Variants in CLDN14 observed in about 807,000 individuals in gnomAD.
The protein encoded by CLDN14 is claudin 14, also known as claudin-14.
A neutral mutation model predicts 2.1 loss-of-function variants in CLDN14; 2 were observed. The observed-to-expected ratio is 0.96, with a 90% CI of 0.39 to 3.01. The LOEUF (loss-of-function observed/expected upper bound fraction) is 3.01, where lower values mean the gene tolerates loss of function less well. CLDN14 is among the 30% of genes most tolerant of loss of function. The pLI, the probability that CLDN14 is intolerant of heterozygous loss-of-function variation, is 0.09. For synonymous variants in CLDN14, 136 were observed against 154.4 expected (o/e 0.88, Z 0.88); for missense variants, 298 against 328.0 (o/e 0.91, Z 0.71).
intron 1 of CLDN14, among the ~76,000 whole-genome samples, chr21:36,550,381 A>G (rs1005263049): frequency 1.3e-5 from 2 of 152,132 alleles, no homozygotes; most frequent in East Asian, 1.9e-4. Context: ...AAAGTCGAAT[A>G]AGCTCTTTAC....
Position 36,467,022 on chromosome 21 carries a change from C to T in CLDN14, c.-81-5246G>A, listed in dbSNP as rs73204259. ...CCCCAGCAGAGAGAGTATCAGAAAA[C>T]GACAGAGCGGTAAAGAATTTTGAAA... On this transcript the variant is annotated intron_variant, in intron 1 of 1. Transcript: ENST00000399135. Among the ~76,000 whole-genome samples, 1,477 of 152,222 alleles carry T rather than the reference C, an allele frequency of 9.7e-3. 10 individuals are homozygous for T. Among genetic ancestry groups the T allele is most frequent in the Non-Finnish European group, 0.015 (1,004 of 68,010 alleles).
At chr21:36,500,076 C>A (rs947867811) in intron 2 of CLDN14, among the ~76,000 whole-genome samples, 15 of 152,160 alleles carry the variant, frequency 9.9e-5, no homozygotes, top group African/African-American at 3.6e-4. Context: ...GCAAGGTTTT[C>A]AATGTGGTGT....
rs765103185 is a variant in CLDN14 at position 36,461,527 on chromosome 21, GCC to G, written c.167_168del (p.Trp56SerfsTer103). On this transcript the variant is annotated frameshift_variant, in exon 2 of 2. Coordinates refer to ENST00000399135, the MANE Select transcript of CLDN14 (RefSeq NM_001146079.2). LOFTEE classifies it low-confidence loss of function (END_TRUNC). The part of the protein sequence containing the change: ...YLKGLWMECV[W>X]HSTGIYQCQI... ...TGGCACTGGTAGATGCCTGTGCTGTGCCACACACACTCCATCCAGAGCCCTTT... is the reference window on the plus strand; with the variant it reads ...TGGCACTGGTAGATGCCTGTGCTGTGACACACACTCCATCCAGAGCCCTTT... 5 of 1,613,278 alleles carry G rather than the reference GCC, an allele frequency of 3.1e-6. No homozygotes were observed. The East Asian group carries it at 1.1e-4, about 36-fold the overall frequency.
intron 1 of CLDN14, among the ~76,000 whole-genome samples, chr21:36,511,469 G>A (rs1296161935): frequency 6.6e-6 from 1 of 152,132 alleles, no homozygotes; most frequent in Non-Finnish European, 1.5e-5. Context: ...ATAATCAATA[G>A]TAGTTTAAAT....
chr21:36,523,602 G>T (rs1312956637), intron 1 of CLDN14, among the ~76,000 whole-genome samples: 1 of 151,508 alleles, frequency 6.6e-6, no homozygotes, highest in Admixed American at 6.6e-5. Context: ...CAAAAAATTA[G>T]CCATGCGTGG....
intron 1 of CLDN14, among the ~76,000 whole-genome samples, chr21:36,549,673 A>G (rs449547): frequency 0.84 from 127,727 of 152,218 alleles, 54,048 homozygotes; most frequent in Non-Finnish European, 0.9. Context: ...TGGCCAGCAT[A>G]GCCACTTGTC....
intron 1 of CLDN14, among the ~76,000 whole-genome samples, chr21:36,569,618 G>A (rs1199922449): frequency 1.3e-5 from 2 of 152,120 alleles, no homozygotes; most frequent in African/African-American, 2.4e-5. Flanking sequence ...GATCATTAAC[G>A]GATGTTACAA....
At chr21:36,532,347 TA>T (rs1408158567) in intron 1 of CLDN14, 2 of 150,746 alleles carry the variant, frequency 1.3e-5, no homozygotes, top group Non-Finnish European at 2.9e-5. Flanking sequence ...ATGCTAGCCT[TA>T]AAATATATAC....
In CLDN14 at chr21:36,499,288, C is replaced by T. The variant is rs373549774; in HGVS notation, c.-82+11075G>A. 6.6e-6 allele frequency among the ~76,000 whole-genome samples: 1 copy of T among 152,294 alleles called. No individual in the cohort carries two copies. The highest frequency in any genetic ancestry group is 2.4e-5 in the African/African-American group (1 of 41,572). On this transcript the variant is annotated intron_variant, in intron 2 of 2. Transcript: ENST00000342108. This position sits in a 1 kb window ranked among gnomAD's most constrained non-coding sequence, Gnocchi z 4.7. ...TGTTTGTTTGTCGGTCTTACTCTGT[C>T]GCCCAGGCTGGAGTGCAGTGGTGTG...
chr21:36,523,116 C>G (rs2087284832), intron 1 of CLDN14, among the ~76,000 whole-genome samples: 1 of 152,166 alleles, frequency 6.6e-6, no homozygotes, highest in South Asian at 2.1e-4. Flanking sequence ...TGTCAGGGAG[C>G]AAGCTTGATT....
At chr21:36,575,925 C>T (rs995078404) in intron 1 of CLDN14, among the ~76,000 whole-genome samples, 24 of 152,190 alleles carry the variant, frequency 1.6e-4, no homozygotes, top group Non-Finnish European at 1.9e-4. Flanking sequence ...TCTGCAGTGA[C>T]TCCCGAAGAC....
intron 1 of CLDN14, among the ~76,000 whole-genome samples, chr21:36,473,520 G>A (rs2086119706): frequency 6.6e-6 from 1 of 152,266 alleles, no homozygotes; most frequent in African/African-American, 2.4e-5. Flanking sequence ...TGATACAGAG[G>A]ATGAAGGGCA....
At chr21:36,554,583 T>G (rs1291105408) in intron 1 of CLDN14, among the ~76,000 whole-genome samples, 3 of 152,088 alleles carry the variant, frequency 2.0e-5, no homozygotes, top group Non-Finnish European at 4.4e-5. Context: ...GTTTTACATA[T>G]GGGGAAGGCA....
intron 2 of CLDN14, chr21:36,485,830 T>G (rs1028511562): frequency 2.1e-6 from 1 of 473,316 alleles, no homozygotes; most frequent in Non-Finnish European, 3.8e-6. Flanking sequence ...ATAAACCTGA[T>G]GGGAAATGAG....
intron 1 of CLDN14, among the ~76,000 whole-genome samples, chr21:36,537,865 G>T (rs994561895): frequency 2.6e-5 from 4 of 152,074 alleles, no homozygotes; most frequent in African/African-American, 7.2e-5. Context: ...GGTCAAGCTG[G>T]TCTCGAACTC....
Position 36,551,718 on chromosome 21 carries a change from G to A in CLDN14, c.-220+24693C>T, listed in dbSNP as rs926662034. On this transcript the variant is annotated intron_variant, in intron 1 of 2. Transcript: ENST00000342108. This position sits in a 1 kb window ranked among gnomAD's most constrained non-coding sequence, Gnocchi z 4.8. The stretch of plus-strand genomic sequence containing the variant: ...GTGCCATCTCTAGGTTAGCTGTGCT[G>A]TAGGATCACAGCAGGGGGACAAATT... Among the ~76,000 whole-genome samples, 2 of 152,156 alleles carry A rather than the reference G, an allele frequency of 1.3e-5. No homozygotes were observed. The highest frequency in any genetic ancestry group is 4.8e-5 in the African/African-American group (2 of 41,446).
chr21:36,561,526 A>T lies in CLDN14; in HGVS notation c.-220+14885T>A, dbSNP rs2087635197. 3.3e-5 allele frequency among the ~76,000 whole-genome samples: 5 copies of T among 152,096 alleles called. No individual in the cohort carries two copies. The South Asian group carries it at 8.3e-4, about 25-fold the overall frequency. ...TGGCTGCCCCGCTGCCCCTCAGCTT[A>T]GCTATCTAGTGGCCACAGTTTAGAG... On this transcript the variant is annotated intron_variant, in intron 1 of 2. Transcript: ENST00000342108.
intron 1 of CLDN14, among the ~76,000 whole-genome samples, chr21:36,477,067 A>C (rs1246613411): frequency 6.6e-6 from 1 of 152,194 alleles, no homozygotes; most frequent in Admixed American, 6.5e-5. Flanking sequence ...CTTGCTAGAT[A>C]ATTTGCAGAA....
chr21:36,517,326 G>T (rs2087236272), intron 1 of CLDN14, among the ~76,000 whole-genome samples: 1 of 152,182 alleles, frequency 6.6e-6, no homozygotes, highest in African/African-American at 2.4e-5. Flanking sequence ...TCTAACAAAG[G>T]CCATAGAGTC....
Sources: gnomAD v4.1 joint callset for allele counts (sites outside exome capture counted in the v4.1 genomes callset) on GRCh38, gnomAD v4.1.1 for gene constraint, Gnocchi (gnomAD v3.1) non-coding constraint, MANE v1.5 for transcripts, NCBI Gene and HGNC (gene_info 2026-07-23, HGNC 2026-07-21) for gene names.